Variants in ENTREP2 observed in about 807,000 individuals in gnomAD.
The protein encoded by ENTREP2 is endosomal transmembrane epsin interactor 2.
At chr15:29,570,920 C>A in the ENTREP2 span, among the ~76,000 whole-genome samples, 1 of 145,008 alleles carries the variant, frequency 6.9e-6, no homozygotes, top group Admixed American at 6.8e-5. Flanking sequence ...CCCGCCGGTG[C>A]CCGCGCCCAT....
At chr15:29,657,143 G>A in the ENTREP2 span, among the ~76,000 whole-genome samples, 13 of 152,044 alleles carry the variant, frequency 8.6e-5, no homozygotes, top group African/African-American at 2.9e-4. Context: ...CGCCTCCCCC[G>A]TTCCGGCCAT....
chr15:29,516,817 G>A, the ENTREP2 span, among the ~76,000 whole-genome samples: 1 of 152,086 alleles, frequency 6.6e-6, no homozygotes, highest in African/African-American at 2.4e-5. Context: ...CAGGCAGGAA[G>A]AGTTTATCCC....
the ENTREP2 span, among the ~76,000 whole-genome samples, chr15:29,652,546 G>A: frequency 9.6e-4 from 147 of 152,356 alleles, no homozygotes; most frequent in Non-Finnish European, 1.7e-3. Context: ...GCCCTTTAGG[G>A]AGCCCAGACC....
At chr15:29,136,757 C>T in the ENTREP2 span, among the ~76,000 whole-genome samples, 3 of 151,584 alleles carry the variant, frequency 2.0e-5, no homozygotes, top group East Asian at 3.9e-4. Context: ...CTGATTACAT[C>T]TTTCATTAAA....
the ENTREP2 span, among the ~76,000 whole-genome samples, chr15:29,669,066 C>T: frequency 2.6e-5 from 4 of 152,102 alleles, no homozygotes; most frequent in African/African-American, 7.2e-5. Context: ...ATTAGCTGAG[C>T]GTGGTGGCAC....
the ENTREP2 span, among the ~76,000 whole-genome samples, chr15:29,407,311 A>G: frequency 1.3e-5 from 2 of 152,188 alleles, no homozygotes; most frequent in Non-Finnish European, 2.9e-5. Flanking sequence ...TGGTATTAGA[A>G]TCTCATGGGA....
the ENTREP2 span, among the ~76,000 whole-genome samples, chr15:29,132,930 C>G: frequency 1.3e-5 from 2 of 152,172 alleles, no homozygotes; most frequent in Non-Finnish European, 2.9e-5. Context: ...GTGATGGCAG[C>G]AGGCAGGGTC....
the ENTREP2 span, among the ~76,000 whole-genome samples, chr15:29,341,190 G>C: frequency 1.3e-5 from 2 of 152,194 alleles, no homozygotes; most frequent in Admixed American, 1.3e-4. Context: ...GTTTGTGTCA[G>C]AGCTACAACT....
the ENTREP2 span, among the ~76,000 whole-genome samples, chr15:29,616,753 C>T: frequency 6.6e-6 from 1 of 152,162 alleles, no homozygotes; most frequent in Admixed American, 6.5e-5. Context: ...GAGAAACACA[C>T]TCAATAGGCT....
chr15:29,628,745 G>A, the ENTREP2 span, among the ~76,000 whole-genome samples: 2 of 151,972 alleles, frequency 1.3e-5, no homozygotes, highest in Non-Finnish European at 2.9e-5. Context: ...TTTTTGGATG[G>A]TTGCATCTTT....
At chr15:29,405,534 C>A in the ENTREP2 span, among the ~76,000 whole-genome samples, 8 of 152,318 alleles carry the variant, frequency 5.3e-5, no homozygotes, top group Admixed American at 3.9e-4. Flanking sequence ...TCATCCAGGT[C>A]ACTCCATGGG....
the ENTREP2 span, among the ~76,000 whole-genome samples, chr15:29,343,087 A>G: frequency 6.6e-6 from 1 of 151,384 alleles, no homozygotes; most frequent in Non-Finnish European, 1.5e-5. Context: ...GTGAAGTGGA[A>G]AAAGCGAAGG....
the ENTREP2 span, among the ~76,000 whole-genome samples, chr15:29,653,433 T>C: frequency 0.14 from 21,824 of 152,184 alleles, 3,017 homozygotes; most frequent in African/African-American, 0.37. Context: ...AAAATTTCAT[T>C]TTGAGTTGTA....
chr15:29,440,662 C>T, the ENTREP2 span, among the ~76,000 whole-genome samples: 1 of 152,258 alleles, frequency 6.6e-6, no homozygotes, highest in South Asian at 2.1e-4. Flanking sequence ...CCCGTCCTGC[C>T]TCTCACCACA....
At chr15:29,390,139 A>G in the ENTREP2 span, among the ~76,000 whole-genome samples, 1 of 152,168 alleles carries the variant, frequency 6.6e-6, no homozygotes, top group South Asian at 2.1e-4. Flanking sequence ...AGCAGCTCAG[A>G]GCCTCTGCTC....
chr15:29,239,378 G>A, the ENTREP2 span, among the ~76,000 whole-genome samples: 1 of 152,194 alleles, frequency 6.6e-6, no homozygotes, highest in East Asian at 1.9e-4. Flanking sequence ...CACCAGGGAA[G>A]AGGCTGAGGT....
At chr15:29,467,500 C>T in the ENTREP2 span, among the ~76,000 whole-genome samples, 1 of 152,130 alleles carries the variant, frequency 6.6e-6, no homozygotes, top group Non-Finnish European at 1.5e-5. Flanking sequence ...AAACGGCCAC[C>T]TGAGTGTTCG....
the ENTREP2 span, among the ~76,000 whole-genome samples, chr15:29,300,360 TA>T: frequency 6.6e-5 from 7 of 105,592 alleles, no homozygotes; most frequent in Non-Finnish European, 1.3e-4. Context: ...GGAGGGTGGG[TA>T]AATGCATGGA....
the ENTREP2 span, among the ~76,000 whole-genome samples, chr15:29,197,696 G>A: frequency 2.0e-5 from 3 of 151,810 alleles, no homozygotes; most frequent in African/African-American, 2.4e-5. Flanking sequence ...AACCCAGGAT[G>A]CGGAGGTTGC....
Sources: gnomAD v4.1 joint callset for allele counts (sites outside exome capture counted in the v4.1 genomes callset) on GRCh38, gnomAD v4.1.1 for gene constraint, MANE v1.5 for transcripts, NCBI Gene and HGNC (gene_info 2026-07-23, HGNC 2026-07-21) for gene names.